EIF2B3: variants seen among roughly 807,000 people sequenced by gnomAD.
EIF2B3 encodes eukaryotic translation initiation factor 2B subunit gamma, also known as translation initiation factor eIF2B subunit gamma.
A neutral mutation model predicts 54.1 loss-of-function variants in EIF2B3; 20 were observed. The observed-to-expected ratio is 0.37, with a 90% CI of 0.26 to 0.54. The LOEUF (loss-of-function observed/expected upper bound fraction) is 0.54, where lower values mean the gene tolerates loss of function less well. Among genes scored for constraint, EIF2B3 ranks in the 20% least tolerant of loss-of-function variants. The pLI is 0.86. For missense variants in EIF2B3, 448 were observed against 547.8 expected (o/e 0.82, Z 1.82); for synonymous variants, 153 against 188.1 (o/e 0.81, Z 1.52).
chr1:44,885,521 T>G lies in EIF2B3; in HGVS notation c.657-3782A>C, dbSNP rs374499459. ...CATTATAGCAAAAGACTTGAAGATA[T>G]TCATATAATTTCACCCTGTAATTCC... On this transcript the variant is annotated intron_variant, in intron 6 of 11. Coordinates refer to ENST00000360403, the MANE Select transcript of EIF2B3 (RefSeq NM_020365.5). Among the ~76,000 whole-genome samples the G allele has an allele frequency of 1.8e-4, 28 of 152,316 alleles. No individual in the cohort carries two copies. The East Asian group carries it at 4.4e-3, about 24-fold the overall frequency.
At chr1:44,975,259 G>T (rs959973561) in intron 3 of EIF2B3, among the ~76,000 whole-genome samples, 18 of 152,232 alleles carry the variant, frequency 1.2e-4, no homozygotes, top group African/African-American at 4.3e-4. Context: ...TCAGTTGAGA[G>T]AAATTAAGCG....
Position 44,943,694 on chromosome 1 carries a change from G to C in EIF2B3, c.295-2029C>G, listed in dbSNP as rs6698969. Among the ~76,000 whole-genome samples the C allele has an allele frequency of 4.2e-3, 636 of 152,138 alleles. 4 individuals carry two copies. Among genetic ancestry groups the C allele is most frequent in the Middle Eastern group, 0.01 (3 of 294 alleles). ...CCACTTTGGCCTCCCAAAGTGCTAG[G>C]AGTACAGGCGTGAGCCACCGCGCCT... On this transcript the variant is annotated intron_variant, in intron 3 of 11. Transcript: ENST00000360403.
At chr1:44,922,235 T>C (rs1643762622) in intron 5 of EIF2B3, among the ~76,000 whole-genome samples, 1 of 151,236 alleles carries the variant, frequency 6.6e-6, no homozygotes, top group African/African-American at 2.4e-5. Flanking sequence ...AACTTTAGGA[T>C]TGTTTTTTCT....
rs2148901269 is a variant in EIF2B3 at position 44,874,806 on chromosome 1, A to T, written c.1074T>A (p.Ile358=). 1 of 1,614,128 alleles carries T rather than the reference A, an allele frequency of 6.2e-7. No homozygotes were observed. The highest frequency in any genetic ancestry group is 8.5e-7 in the Non-Finnish European group (1 of 1,180,036). Residue 358 remains isoleucine, a synonymous_variant, in exon 10 of 12, where the codon ATT becomes ATA. Coordinates refer to ENST00000360403, the MANE Select transcript of EIF2B3 (RefSeq NM_020365.5). The part of the protein sequence containing the change: ...SKHLVGVDSL[I]GPETQIGEKS... ...TCTCTCCAATCTGTGTCTCTGGCCCAATGAGGCTGTCAACTCCAACCTGTA... is the reference window on the plus strand; with the variant it reads ...TCTCTCCAATCTGTGTCTCTGGCCCTATGAGGCTGTCAACTCCAACCTGTA...
At chr1:44,969,373 T>C (rs992863005) in intron 3 of EIF2B3, among the ~76,000 whole-genome samples, 14 of 152,220 alleles carry the variant, frequency 9.2e-5, no homozygotes, top group African/African-American at 3.4e-4. Context: ...CCAATTGTAA[T>C]GTGTAATCCT....
intron 3 of EIF2B3, among the ~76,000 whole-genome samples, chr1:44,950,791 C>CGATTCTTGT: frequency 6.6e-6 from 1 of 152,184 alleles, no homozygotes; most frequent in African/African-American, 2.4e-5. Context: ...GGGGTTCAAG[C>CGATTCTTGT]GATTCTTGTG....
At chr1:44,884,247 G>A (rs912200674) in intron 6 of EIF2B3, among the ~76,000 whole-genome samples, 4 of 152,192 alleles carry the variant, frequency 2.6e-5, no homozygotes, top group Admixed American at 6.5e-5. Context: ...ACTGAAGAAA[G>A]GGAGACCAGT....
chr1:44,954,231 T>C (rs1156719015), intron 3 of EIF2B3, among the ~76,000 whole-genome samples: 1 of 152,180 alleles, frequency 6.6e-6, no homozygotes, highest in East Asian at 1.9e-4. Context: ...TATGGGCTCT[T>C]TTTGGTTCCA....
chr1:44,940,549 C>T (rs68175913), intron 4 of EIF2B3: 33,630 of 151,792 alleles, frequency 0.22, 4,049 homozygotes, highest in Admixed American at 0.32. Context: ...AGGTGGATCA[C>T]GGGGTCAAGA....
intron 3 of EIF2B3, among the ~76,000 whole-genome samples, chr1:44,968,896 CA>C (rs61693975): frequency 0.69 from 93,392 of 136,138 alleles, 31,755 homozygotes; most frequent in East Asian, 0.97. Flanking sequence ...AACTCCATCT[CA>C]AAAAAAAAAA....
intron 3 of EIF2B3, among the ~76,000 whole-genome samples, chr1:44,971,752 G>A (rs933358459): frequency 5.9e-5 from 9 of 152,152 alleles, no homozygotes; most frequent in African/African-American, 2.2e-4. Flanking sequence ...AAAAAAATAG[G>A]CTGGGTGAGG....
intron 3 of EIF2B3, among the ~76,000 whole-genome samples, chr1:44,968,065 A>T (rs1241413731): frequency 6.6e-6 from 1 of 151,494 alleles, no homozygotes; most frequent in Non-Finnish European, 1.5e-5. Flanking sequence ...AATAAAAATA[A>T]AAATATAAAA....
At position 44,879,931 on chromosome 1, in the gene EIF2B3, C is replaced by T. The variant is rs750807171; in HGVS notation, c.862G>A (p.Asp288Asn). 6.2e-7 allele frequency: 1 copy of T among 1,614,058 alleles called. No individual in the cohort carries two copies. The highest frequency in any genetic ancestry group is 1.3e-5 in the African/African-American group (1 of 74,910). The change falls in exon 8 of 12, where the codon GAC becomes AAC. Residue 288 changes from aspartate to asparagine, a missense_variant. By Grantham distance (23) the Asp-to-Asn change is conservative. Transcript: ENST00000360403. ...YDACWNACRG[D>N]RWEDLSRSQV... Reference sequence around the variant, plus strand: ...GATCTGGACAAGTCTTCCCACCTGTCTCCTCGACAGGCATTCCAGCAGGCA... The same window carrying T: ...GATCTGGACAAGTCTTCCCACCTGTTTCCTCGACAGGCATTCCAGCAGGCA...
At chr1:44,970,223 G>A (rs1481584787) in intron 3 of EIF2B3, among the ~76,000 whole-genome samples, 1 of 152,132 alleles carries the variant, frequency 6.6e-6, no homozygotes, top group East Asian at 1.9e-4. Flanking sequence ...ACATGTGATG[G>A]AGGTTTCCAC....
chr1:44,977,075 C>T (rs555859881), intron 3 of EIF2B3, among the ~76,000 whole-genome samples: 74 of 152,234 alleles, frequency 4.9e-4, no homozygotes, highest in Non-Finnish European at 9.0e-4. Context: ...GTACAAAAGT[C>T]GGTTGAAAAT....
chr1:44,884,094 C>T (rs1655498764), intron 6 of EIF2B3, among the ~76,000 whole-genome samples: 1 of 152,224 alleles, frequency 6.6e-6, no homozygotes, highest in Non-Finnish European at 1.5e-5. Flanking sequence ...CCACCTCAGC[C>T]TCCCAAAGTG....
intron 3 of EIF2B3, among the ~76,000 whole-genome samples, chr1:44,955,213 C>T (rs750540386): frequency 1.2e-4 from 19 of 152,134 alleles, no homozygotes; most frequent in Non-Finnish European, 1.5e-4. Context: ...TAACGCCGCA[C>T]ATCTACAACC....
intron 5 of EIF2B3, among the ~76,000 whole-genome samples, chr1:44,915,093 G>A (rs144325324): frequency 0.042 from 6,392 of 151,766 alleles, 186 homozygotes; most frequent in Admixed American, 0.061. Context: ...GAGGTCAGCA[G>A]TTCAAGACCA....
chr1:44,915,690 A>G (rs1302466899), intron 5 of EIF2B3, among the ~76,000 whole-genome samples: 2 of 152,154 alleles, frequency 1.3e-5, no homozygotes, highest in African/African-American at 4.8e-5. Context: ...AGGAATAACA[A>G]TCATTATAGA....
Sources: allele counts gnomAD v4.1 joint callset (sites outside exome capture counted in the v4.1 genomes callset), GRCh38; gene constraint gnomAD v4.1.1; transcripts MANE v1.5; gene names NCBI Gene and HGNC (gene_info 2026-07-23, HGNC 2026-07-21).